ARHGEF18: variants seen among roughly 807,000 people sequenced by gnomAD.
ARHGEF18 encodes the protein rho guanine nucleotide exchange factor 18.
In ARHGEF18, 93 loss-of-function variants were observed where a neutral mutation model predicts 155.7. The ratio of observed to expected loss-of-function variants is 0.60; its 90% CI spans 0.50 to 0.71. The LOEUF (loss-of-function observed/expected upper bound fraction) is 0.71, where lower values mean the gene tolerates loss of function less well. Ranked by LOEUF, ARHGEF18 falls within the 30% of genes least tolerant of loss-of-function variation. The pLI is 0.00. For synonymous variants in ARHGEF18, 742 were observed against 753.1 expected (o/e 0.99, Z 0.24); for missense variants, 1,593 against 1,816.1 (o/e 0.88, Z 2.23).
intron 10 of ARHGEF18, among the ~76,000 whole-genome samples, chr19:7,393,406 CGA>C (rs1410721686): frequency 6.6e-6 from 1 of 152,128 alleles, no homozygotes; most frequent in Non-Finnish European, 1.5e-5. Flanking sequence ...CTGGGTCATG[CGA>C]GGTTTCCCAG....
At chr19:7,362,017 G>GGAAGAAGAAGAAGAAGAAGAAGA (rs1568264366) in intron 1 of ARHGEF18, among the ~76,000 whole-genome samples, 2 of 51,124 alleles carry the variant, frequency 3.9e-5, no homozygotes, top group Admixed American at 2.1e-4. Context: ...GAAGAAGAAG[G>GGAAGAAGAAGAAGAAGAAGAAGA]AGAAGGAGAA....
chr19:7,369,000 G>A (rs1442939772), intron 2 of ARHGEF18, among the ~76,000 whole-genome samples: 1 of 152,170 alleles, frequency 6.6e-6, no homozygotes, highest in East Asian at 1.9e-4. Flanking sequence ...CAAGAAGGCA[G>A]GCTGTGGAAA....
intron 10 of ARHGEF18, among the ~76,000 whole-genome samples, chr19:7,431,496 G>A (rs1973958693): frequency 8.9e-6 from 1 of 112,890 alleles, no homozygotes; most frequent in African/African-American, 3.4e-5. Flanking sequence ...GGACGACAGA[G>A]TGAGACTCCA....
chr19:7,370,521 A>G (rs2145392704), intron 2 of ARHGEF18, among the ~76,000 whole-genome samples: 1 of 152,204 alleles, frequency 6.6e-6, no homozygotes, highest in Non-Finnish European at 1.5e-5. Context: ...AATAAAATAA[A>G]TAAATAAATG....
chr19:7,388,643 C>T (rs2145493470), intron 10 of ARHGEF18, among the ~76,000 whole-genome samples: 1 of 151,996 alleles, frequency 6.6e-6, no homozygotes, highest in Non-Finnish European at 1.5e-5. Context: ...GCAGTTGGCA[C>T]CATCCCAGCT....
chr19:7,415,740 C>T (rs1000968243), intron 10 of ARHGEF18, among the ~76,000 whole-genome samples: 4 of 152,030 alleles, frequency 2.6e-5, no homozygotes, highest in East Asian at 1.9e-4. Context: ...CACAGAGACC[C>T]GCAGCTCCTG....
rs145469018 is a variant in ARHGEF18, at chr19:7,460,270, G to A, written c.2452+276G>A. Among the ~76,000 whole-genome samples, 730 of 152,132 alleles carry A rather than the reference G, an allele frequency of 4.8e-3. 5 individuals are homozygous for A. Among genetic ancestry groups the A allele is most frequent in the Admixed American group, 0.012 (176 of 15,252 alleles). ...CAGAGCCGACCACACAGCCACACAC[G>A]CCACCACCACCCCATCCTCGTGCAG... On this transcript the variant is annotated intron_variant, in intron 20 of 28. Coordinates refer to ENST00000668164, the MANE Select transcript of ARHGEF18 (RefSeq NM_001367823.1).
Position 7,395,251 on chromosome 19 carries a change from A to G in ARHGEF18, c.967+12048A>G, listed in dbSNP as rs1971629108. On this transcript the variant is annotated intron_variant, in intron 10 of 28. Transcript: ENST00000668164. The surrounding 1 kb of genome is among the most constrained non-coding windows in gnomAD (Gnocchi z 5.0). ...GCCTGCGGGCGATCGGGCCGAGGTG[A>G]GGACGGCGGCGGGGCGGTCCCGAGG... is the stretch of plus-strand genomic sequence containing the variant. The G allele has an allele frequency of 2.0e-6, 2 of 986,272 alleles. No individual in the cohort carries two copies. Among genetic ancestry groups the G allele is most frequent in the Non-Finnish European group, 2.4e-6 (2 of 830,806 alleles). The allele number at this position is 986,272 out of a possible 1,614,324, so 61.1% of individuals were successfully genotyped here. A position where few individuals can be genotyped will look rare whatever the true frequency, so the allele number is the denominator to read the frequency against.
rs1335336358 is a variant in ARHGEF18, at chr19:7,451,569, C to T, written c.1855+303C>T. ...GGGACTACAGGCATACGCCACTACA[C>T]ACAGTTAATTTTTTTTAATTTTTTT... is the stretch of plus-strand genomic sequence containing the variant. On this transcript the variant is annotated intron_variant, in intron 16 of 28. Coordinates refer to ENST00000668164, the MANE Select transcript of ARHGEF18 (RefSeq NM_001367823.1). Among the ~76,000 whole-genome samples, 4 of 152,072 alleles carry T rather than the reference C, an allele frequency of 2.6e-5. No homozygotes were observed. The East Asian group carries it at 5.8e-4, about 22-fold the overall frequency.
chr19:7,467,482 G>T lies in ARHGEF18; in HGVS notation c.3278G>T (p.Gly1093Val). The stretch of plus-strand genomic sequence containing the variant: ...GGCGCGCGGCTGCAGGAGCGCGAGG[G>T]CGAGGCGCGGCAGCTACGCGAGCGG... ...RAGARLQEREGEARQLRERLE... is the reference protein window; with the variant it reads ...RAGARLQEREVEARQLRERLE... The change falls in exon 26 of 29, where the codon GGC (glycine) becomes GTC (valine). Residue 1093 changes from glycine (G) to valine (V), a missense_variant. Coordinates refer to ENST00000668164, the MANE Select transcript of ARHGEF18 (RefSeq NM_001367823.1). 1 of 1,452,642 alleles carries T rather than the reference G, an allele frequency of 6.9e-7. No individual in the cohort carries two copies. The allele number at this position is 1,452,642 out of a possible 1,614,324, so 90.0% of individuals were successfully genotyped here.
At chr19:7,363,160 CTGGATAGATGGA>C (rs1462800656) in intron 2 of ARHGEF18, among the ~76,000 whole-genome samples, 3 of 150,422 alleles carry the variant, frequency 2.0e-5, no homozygotes, top group African/African-American at 4.9e-5. Context: ...GGGTGGGTGT[CTGGATAGATGGA>C]TGGATAGATG....
chr19:7,452,727 G>T lies in ARHGEF18; in HGVS notation c.1856-740G>T, dbSNP rs1053242130. 3.8e-4 allele frequency among the ~76,000 whole-genome samples: 57 copies of T among 151,442 alleles called. 1 individual carries two copies. The highest frequency in any genetic ancestry group is 1.3e-3 in the African/African-American group (55 of 41,242). ...GTGATCTGCCCGCCTCAGCCTCCCA[G>T]AGTGCTGGGATTACAGGCGTGAGCC... is the stretch of plus-strand genomic sequence containing the variant. On this transcript the variant is annotated intron_variant, in intron 16 of 28. Coordinates refer to ENST00000668164, the MANE Select transcript of ARHGEF18 (RefSeq NM_001367823.1).
chr19:7,350,826 T>G (rs6603096), intron 1 of ARHGEF18, among the ~76,000 whole-genome samples: 121,314 of 149,246 alleles, frequency 0.81, 52,104 homozygotes, highest in Non-Finnish European at 0.95. Flanking sequence ...GTGTTGGAGA[T>G]AGAATCTTGC....
chr19:7,466,665 G>A (rs568883010), intron 23 of ARHGEF18, among the ~76,000 whole-genome samples: 1 of 151,784 alleles, frequency 6.6e-6, no homozygotes, highest in Non-Finnish European at 1.5e-5. Flanking sequence ...TTAGCCAGGC[G>A]TGGAGGCTTG....
intron 16 of ARHGEF18, 78 bp downstream of exon 16, chr19:7,451,344 G>A: frequency 8.1e-7 from 1 of 1,234,288 alleles, no homozygotes; most frequent in Non-Finnish European, 1.2e-6. Flanking sequence ...CTCCCTATTT[G>A]AGCAGCAAAC....
chr19:7,423,854 A>G (rs1468226774), intron 10 of ARHGEF18, among the ~76,000 whole-genome samples: 1 of 152,034 alleles, frequency 6.6e-6, no homozygotes, highest in Non-Finnish European at 1.5e-5. Context: ...AAGGAAACAG[A>G]GGAAGTCGAT....
At chr19:7,461,340 G>A (rs1262473623) in intron 20 of ARHGEF18, among the ~76,000 whole-genome samples, 1 of 152,064 alleles carries the variant, frequency 6.6e-6, no homozygotes, top group Non-Finnish European at 1.5e-5. Flanking sequence ...TTTGAGATCA[G>A]GAGTTTGAGA....
intron 1 of ARHGEF18, among the ~76,000 whole-genome samples, chr19:7,356,342 C>T (rs1969305230): frequency 6.6e-6 from 1 of 151,122 alleles, no homozygotes; most frequent in Non-Finnish European, 1.5e-5. Context: ...GCGATCTCAG[C>T]TCATTACTGC....
intron 10 of ARHGEF18, among the ~76,000 whole-genome samples, chr19:7,403,958 ATGAGGCTGAGGC>A (rs144367040): frequency 0.08 from 12,121 of 151,994 alleles, 1,584 homozygotes; most frequent in African/African-American, 0.27. Context: ...CCAGCTACTG[ATGAGGCTGAGGC>A]AGGAGAATCA....
Sources: allele counts gnomAD v4.1 joint callset (sites outside exome capture counted in the v4.1 genomes callset), GRCh38; gene constraint gnomAD v4.1.1; non-coding constraint Gnocchi (gnomAD v3.1); transcripts MANE v1.5; gene names NCBI Gene and HGNC (gene_info 2026-07-23, HGNC 2026-07-21).